The following CDC25B variants were observed in gnomAD, a reference collection of about 807,000 sequenced individuals.
CDC25B encodes the protein cell division cycle 25B.
CDC25B carries 33 observed loss-of-function variants against 69.8 expected under a neutral mutation model. The ratio of observed to expected loss-of-function variants is 0.47; its 90% CI spans 0.36 to 0.63. The LOEUF is 0.63. Ranked by LOEUF, CDC25B falls within the 30% of genes least tolerant of loss-of-function variation. The pLI is 0.00. For synonymous variants in CDC25B, 341 were observed against 314.6 expected, an observed-to-expected ratio of 1.08 and a Z score of -0.89; for missense variants, 727 against 809.1, an observed-to-expected ratio of 0.90 and a Z score of 1.23.
At position 3,797,649 on chromosome 20, in the gene CDC25B, C is replaced by G; in HGVS notation, c.228C>G (p.Thr76=). The G allele has an allele frequency of 6.2e-7, 1 of 1,614,178 alleles. No homozygotes were observed. Among genetic ancestry groups the G allele is most frequent in the Non-Finnish European group, 8.5e-7 (1 of 1,180,028 alleles). Residue 76 remains threonine, a synonymous_variant, in exon 2 of 16, where the codon ACC becomes ACG. Transcript: ENST00000245960. ...AAACCCCAAAGAGTCAGGTAGGGAC[C>G]CTGCTCTTCCGCAGCCGCAGCCGCC... ...GSETPKSQVG[T]LLFRSRSRLT...
intron 3 of CDC25B, among the ~76,000 whole-genome samples, chr20:3,799,989 CTG>C (rs902956187): frequency 1.3e-5 from 2 of 152,126 alleles, no homozygotes; most frequent in African/African-American, 4.8e-5. Flanking sequence ...GCTGGCGAGA[CTG>C]TTGCCTTGGT....
intron 1 of CDC25B, 69 bp from the exon 2 acceptor site, chr20:3,797,553 C>G: frequency 6.3e-7 from 1 of 1,578,596 alleles, no homozygotes; most frequent in Admixed American, 1.7e-5. Flanking sequence ...GGAGTGGGAA[C>G]GTGGGCTAGC....
upstream of CDC25B, among the ~76,000 whole-genome samples, chr20:3,793,506 C>T (rs1464761775): frequency 6.6e-6 from 1 of 151,512 alleles, no homozygotes. Flanking sequence ...TTGCCCACCT[C>T]CCCCCTCACT....
chr20:3,795,713 T>C (rs1313252356), upstream of CDC25B: 2 of 985,414 alleles, frequency 2.0e-6, no homozygotes, highest in East Asian at 1.1e-4. Context: ...CCTCCTACGC[T>C]GGGCGCTTCT....
At position 3,801,286 on chromosome 20, in the gene CDC25B, G is replaced by A; in HGVS notation, c.738G>A (p.Glu246=). Residue 246 remains glutamate, a synonymous_variant, in exon 8 of 16, where the codon GAG becomes GAA. Transcript: ENST00000245960. ...GTCCTGACCGGAAGATGGAAGTGGAGGAGCTCAGCCCCCTGGCCCTAGGTC... is the reference window on the plus strand; with the variant it reads ...GTCCTGACCGGAAGATGGAAGTGGAAGAGCTCAGCCCCCTGGCCCTAGGTC... The part of the protein sequence containing the change: ...CLSPDRKMEV[E]ELSPLALGRF... The A allele has an allele frequency of 6.2e-7, 1 of 1,614,104 alleles. No homozygotes were observed. The highest frequency in any genetic ancestry group is 8.5e-7 in the Non-Finnish European group (1 of 1,180,012).
intron 1 of CDC25B, among the ~76,000 whole-genome samples, chr20:3,790,382 T>G (rs992105094): frequency 6.7e-6 from 1 of 149,744 alleles, no homozygotes; most frequent in Non-Finnish European, 1.5e-5. Flanking sequence ...TGGAATTTTT[T>G]TTTTTTTTTT....
At chr20:3,794,397 G>A (rs1010837662), upstream of CDC25B, among the ~76,000 whole-genome samples, 4 of 148,102 alleles carry the variant, frequency 2.7e-5, no homozygotes, top group African/African-American at 7.5e-5. Flanking sequence ...GGATTTCAAG[G>A]GATTCAATAG....
Position 3,800,687 on chromosome 20 carries a change from G to C in CDC25B, c.460-56G>C, listed in dbSNP as rs11570002. On this transcript the variant is annotated intron_variant, in intron 5 of 15. Transcript: ENST00000245960. ...GGTGGAGAAGGTAGGGCCTGGGCTC[G>C]TGCCGGAGGAATGCAGCCTTCATTC... The C allele has an allele frequency of 8.7e-3, 13,988 of 1,599,982 alleles. 975 individuals carry two copies. In the African/African-American group the frequency reaches 0.16, roughly 18 times the overall value.
chr20:3,798,482 G>A lies in CDC25B; in HGVS notation c.380+19G>A. The A allele has an allele frequency of 1.9e-6, 3 of 1,575,876 alleles. No homozygotes were observed. The highest frequency in any genetic ancestry group is 2.6e-6 in the Non-Finnish European group (3 of 1,155,266). On this transcript the variant is annotated intron_variant, in intron 3 of 15. Coordinates refer to ENST00000245960, the MANE Select transcript of CDC25B (RefSeq NM_021873.4). The stretch of plus-strand genomic sequence containing the variant: ...AGCAGACGTGAGTAGAGAAGGGAAT[G>A]TGTACTTCCAAGCATTCAGCACCTG...
At chr20:3,789,647 A>T (rs1205741554) in intron 1 of CDC25B, among the ~76,000 whole-genome samples, 6 of 151,620 alleles carry the variant, frequency 4.0e-5, no homozygotes, top group South Asian at 2.1e-4. Context: ...CTAGGATTGC[A>T]GCCGTGAGCC....
rs1231553722 is a variant in CDC25B at position 3,796,436 on chromosome 20, T to G, written c.-96T>G. ...CCCTCCTTCCCCCCCCCCCCACCCC[T>G]CGCCCGCTGCCTCCCTCGGCCCAGC... On this transcript the variant is annotated 5_prime_UTR_variant, in exon 1 of 16. Coordinates refer to ENST00000245960, the MANE Select transcript of CDC25B (RefSeq NM_021873.4). 3 of 138,544 alleles carry G rather than the reference T, an allele frequency of 2.2e-5. No individual in the cohort carries two copies. The highest frequency in any genetic ancestry group is 1.7e-4 in the South Asian group (1 of 5,966). The allele number at this position is 138,544 out of a possible 1,614,324, so 8.6% of individuals were successfully genotyped here.
Position 3,797,724 on chromosome 20 carries a change from TGAATCCTCC to T in CDC25B, c.309_317del (p.Glu105_Ser107del). On this transcript the variant is annotated inframe_deletion, in exon 2 of 16. Transcript: ENST00000245960. ...GGGCATCCGAATCCTCCCTGTCGTC[TGAATCCTCC>T]GAATCTTCTGATGCAGGTGAGGCCC... is the stretch of plus-strand genomic sequence containing the variant. 6.2e-7 allele frequency: 1 copy of T among 1,614,102 alleles called. No homozygotes were observed. The highest frequency in any genetic ancestry group is 8.5e-7 in the Non-Finnish European group (1 of 1,180,020).
At chr20:3,796,237 A>G (rs2089032465), upstream of CDC25B, 4 of 1,172,732 alleles carry the variant, frequency 3.4e-6, no homozygotes, top group South Asian at 7.8e-5. Context: ...CCGCTACCCC[A>G]TTGGTGGCGT....
chr20:3,793,655 T>C (rs1182403885), upstream of CDC25B, among the ~76,000 whole-genome samples: 1 of 150,924 alleles, frequency 6.6e-6, no homozygotes, highest in Non-Finnish European at 1.5e-5. Flanking sequence ...ATGTGCAGGT[T>C]AGTTACATAT....
Position 3,804,938 on chromosome 20 carries a change from T to C in CDC25B, c.1720T>C (p.Cys574Arg). 1 of 1,613,148 alleles carries C rather than the reference T, an allele frequency of 6.2e-7. No individual in the cohort carries two copies. The part of the protein sequence containing the change: ...WAGERSRREL[C>R]SRLQDQ ...TGGGGAGCGGAGCCGGCGGGAGCTC[T>C]GTAGCCGGCTGCAGGACCAGTGAGG... Residue 574 changes from cysteine (C) to arginine (R), a missense_variant, in exon 16 of 16, where the codon TGT (cysteine) becomes CGT (arginine). Cys to Arg is a radical substitution (Grantham distance 180, BLOSUM62 -3). Coordinates refer to ENST00000245960, the MANE Select transcript of CDC25B (RefSeq NM_021873.4).
chr20:3,800,905 G>A (rs1396204641), intron 6 of CDC25B, 40 bp downstream of exon 6: 1 of 1,612,858 alleles, frequency 6.2e-7, no homozygotes, highest in Non-Finnish European at 8.5e-7. Context: ...TCTCCGGGAA[G>A]AGGAGGGGGC....
At chr20:3,790,470 C>T (rs367589766) in intron 1 of CDC25B, among the ~76,000 whole-genome samples, 2 of 145,190 alleles carry the variant, frequency 1.4e-5, no homozygotes, top group East Asian at 2.1e-4. Context: ...CTTCAACCTC[C>T]GCCTCCCAGG....
At position 3,800,729 on chromosome 20, in the gene CDC25B, G is replaced by T. The variant is rs769049251; in HGVS notation, c.460-14G>T. 21 of 1,602,692 alleles carry T rather than the reference G, an allele frequency of 1.3e-5. No homozygotes were observed. The East Asian group carries it at 4.2e-4, about 32-fold the overall frequency. Reference sequence around the variant, plus strand: ...CCTTCATTCCTCTGCCTGCCGCCCTGCCTGGCTCTCTAGGTGAGGCTGCTG... The same window carrying T: ...CCTTCATTCCTCTGCCTGCCGCCCTTCCTGGCTCTCTAGGTGAGGCTGCTG... On this transcript the variant is annotated splice_polypyrimidine_tract_variant and intron_variant, in intron 5 of 15. Coordinates refer to ENST00000245960, the MANE Select transcript of CDC25B (RefSeq NM_021873.4).
In CDC25B at chr20:3,803,244, A is replaced by T; in HGVS notation, c.1356+38A>T. 6.3e-7 allele frequency: 1 copy of T among 1,583,836 alleles called. No homozygotes were observed. Among genetic ancestry groups the T allele is most frequent in the Non-Finnish European group, 8.7e-7 (1 of 1,154,980 alleles). ...AATGGGGAGAGGCCCTGAAGATCCC[A>T]CCTGGTTTAGGTCCTTGCTTTGCCA... On this transcript the variant is annotated intron_variant, in intron 13 of 15. Transcript: ENST00000245960. The surrounding 1 kb of genome is among the most constrained non-coding windows in gnomAD (Gnocchi z 4.9).
Sources: allele counts gnomAD v4.1 joint callset (sites outside exome capture counted in the v4.1 genomes callset), GRCh38; gene constraint gnomAD v4.1.1; non-coding constraint Gnocchi (gnomAD v3.1); transcripts MANE v1.5; gene names NCBI Gene and HGNC (gene_info 2026-07-23, HGNC 2026-07-21).